Variants in MTUS2 observed in about 807,000 individuals in gnomAD.
The protein encoded by MTUS2 is microtubule associated scaffold protein 2.
Under a neutral mutation model 114.1 loss-of-function variants are expected in MTUS2, and 40 were observed. That is an observed-to-expected ratio of 0.35 (90% CI 0.27 to 0.46). The LOEUF is 0.46. MTUS2 is among the 20% of genes least tolerant of loss of function. MTUS2 has a pLI of 1.00. For missense variants in MTUS2, 1,679 were observed against 1,705.4 expected (o/e 0.98, Z 0.27); for synonymous variants, 688 against 672.0 (o/e 1.02, Z -0.37).
At chr13:28,865,493 A>G (rs182697406) in intron 2 of MTUS2, among the ~76,000 whole-genome samples, 9 of 152,306 alleles carry the variant, frequency 5.9e-5, no homozygotes, top group Non-Finnish European at 5.9e-5. Flanking sequence ...TTTCTCAGCC[A>G]TTTGTGCTTC....
At chr13:29,001,110 C>T (rs1053462088) in intron 2 of MTUS2, among the ~76,000 whole-genome samples, 3 of 152,224 alleles carry the variant, frequency 2.0e-5, no homozygotes, top group African/African-American at 7.2e-5. Flanking sequence ...GAGCAGCATT[C>T]AGTTCCTGGA....
intron 5 of MTUS2, among the ~76,000 whole-genome samples, chr13:29,197,610 G>T (rs35852257): frequency 7.9e-5 from 12 of 151,904 alleles, no homozygotes; most frequent in African/African-American, 2.9e-4. Flanking sequence ...TGGTATTTCT[G>T]GTTCTGAATC....
At chr13:29,308,582 C>T (rs936117011) in intron 6 of MTUS2, among the ~76,000 whole-genome samples, 7 of 152,106 alleles carry the variant, frequency 4.6e-5, no homozygotes, top group East Asian at 3.8e-4. Flanking sequence ...AGCTTCTGCA[C>T]GGCAAAAGAA....
intron 1 of MTUS2, among the ~76,000 whole-genome samples, chr13:28,830,353 A>G (rs566414381): frequency 2.0e-5 from 3 of 152,308 alleles, no homozygotes; most frequent in South Asian, 4.1e-4. Flanking sequence ...TAAATTAGCT[A>G]TTATAAATGT....
intron 5 of MTUS2, among the ~76,000 whole-genome samples, chr13:29,233,111 G>A (rs1247753827): frequency 6.6e-6 from 1 of 152,078 alleles, no homozygotes; most frequent in East Asian, 1.9e-4. Context: ...CCTTACTGTT[G>A]CCTTTTTGAA....
chr13:29,278,627 T>C (rs1431466004), intron 5 of MTUS2, among the ~76,000 whole-genome samples: 2 of 152,208 alleles, frequency 1.3e-5, no homozygotes, highest in Admixed American at 1.3e-4. Context: ...ACATTTACTA[T>C]CTCTGGTTAA....
At chr13:29,037,345 C>A (rs181304904) in intron 4 of MTUS2, among the ~76,000 whole-genome samples, 5 of 152,214 alleles carry the variant, frequency 3.3e-5, no homozygotes, top group Non-Finnish European at 5.9e-5. Context: ...GGCTCCCACT[C>A]TCTTCTGGCT....
At chr13:29,118,452 C>T (rs753771085) in intron 5 of MTUS2, among the ~76,000 whole-genome samples, 1 of 152,114 alleles carries the variant, frequency 6.6e-6, no homozygotes, top group Non-Finnish European at 1.5e-5. Flanking sequence ...AGGGAGGCAT[C>T]CATGTGTAGC....
chr13:29,146,883 T>C (rs2139023221), intron 5 of MTUS2, among the ~76,000 whole-genome samples: 1 of 152,300 alleles, frequency 6.6e-6, no homozygotes, highest in South Asian at 2.1e-4. Context: ...GGCACAGGAT[T>C]TATTAAGTGT....
At chr13:29,471,742 G>GCCCCCCA (rs1555283287) in intron 9 of MTUS2, among the ~76,000 whole-genome samples, 1 of 131,602 alleles carries the variant, frequency 7.6e-6, no homozygotes, top group Non-Finnish European at 1.6e-5. Context: ...TGCAGGCCCA[G>GCCCCCCA]CCCCCCCCGA....
intron 2 of MTUS2, among the ~76,000 whole-genome samples, chr13:28,898,734 A>G (rs959254177): frequency 6.6e-6 from 1 of 152,214 alleles, no homozygotes; most frequent in Non-Finnish European, 1.5e-5. Context: ...GCAAAATAGA[A>G]ATCATTGTGG....
At chr13:29,242,005 T>C (rs1896751744) in intron 5 of MTUS2, among the ~76,000 whole-genome samples, 1 of 152,204 alleles carries the variant, frequency 6.6e-6, no homozygotes, top group Non-Finnish European at 1.5e-5. Context: ...ATCCCAGATA[T>C]ATGTTACTTT....
At chr13:29,097,464 A>G (rs537964164) in intron 4 of MTUS2, among the ~76,000 whole-genome samples, 3 of 152,224 alleles carry the variant, frequency 2.0e-5, no homozygotes, top group East Asian at 1.9e-4. Flanking sequence ...TTGAAGGCTT[A>G]TTATGCACTT....
At chr13:28,953,332 A>G (rs1171168477) in intron 2 of MTUS2, among the ~76,000 whole-genome samples, 1 of 151,994 alleles carries the variant, frequency 6.6e-6, no homozygotes, top group African/African-American at 2.4e-5. Flanking sequence ...AACATGGTAA[A>G]ACCCCATCTC....
intron 7 of MTUS2, among the ~76,000 whole-genome samples, chr13:29,344,408 T>G (rs1868463230): frequency 1.3e-5 from 2 of 152,170 alleles, no homozygotes; most frequent in Admixed American, 6.5e-5. Flanking sequence ...ATAATGTTCC[T>G]CTTTGTCTTT....
intron 6 of MTUS2, among the ~76,000 whole-genome samples, chr13:29,316,394 C>A (rs1899990484): frequency 6.6e-6 from 1 of 152,076 alleles, no homozygotes; most frequent in Non-Finnish European, 1.5e-5. Flanking sequence ...AGGTTGGGGC[C>A]AGGGATGGAA....
At chr13:29,020,921 CTT>C (rs1173189451) in intron 2 of MTUS2, among the ~76,000 whole-genome samples, 2 of 151,394 alleles carry the variant, frequency 1.3e-5, no homozygotes, top group Non-Finnish European at 2.9e-5. Context: ...AGTGTCCTAA[CTT>C]AAATTAAAAT....
At chr13:29,148,472 CTTTTTTTTTTT>C (rs976334425) in intron 5 of MTUS2, among the ~76,000 whole-genome samples, 3 of 71,352 alleles carry the variant, frequency 4.2e-5, no homozygotes, top group Non-Finnish European at 5.5e-5. Context: ...GTTTGGTTTT[CTTTTTTTTTTT>C]TTTTTTTTTT....
chr13:29,416,444 A>G (rs1426677748), intron 8 of MTUS2, among the ~76,000 whole-genome samples: 3 of 151,026 alleles, frequency 2.0e-5, no homozygotes, highest in Non-Finnish European at 4.4e-5. Context: ...TATGTAGCAC[A>G]TATATATAGC....
Sources: gnomAD v4.1 joint callset for allele counts (sites outside exome capture counted in the v4.1 genomes callset) on GRCh38, gnomAD v4.1.1 for gene constraint, MANE v1.5 for transcripts, NCBI Gene and HGNC (gene_info 2026-07-23, HGNC 2026-07-21) for gene names.